The following ZNF564 variants were observed in gnomAD, a reference collection of about 807,000 sequenced individuals.
The protein encoded by ZNF564 is zinc finger protein 564.
ZNF564 carries 5 observed loss-of-function variants against 10.5 expected under a neutral mutation model. The observed-to-expected ratio is 0.48, with a 90% confidence interval of 0.25 to 1.00. The LOEUF (loss-of-function observed/expected upper bound fraction) is 1.00. Among genes scored for constraint, ZNF564 ranks in the 50% least tolerant of loss-of-function variants. ZNF564 has a pLI of 0.16. For missense variants in ZNF564, 603 were observed against 669.7 expected (o/e 0.90, Z 1.10); for synonymous variants, 242 against 218.1 (o/e 1.11, Z -0.97).
chr19:12,547,724 T>C (rs1452834863), intron 1 of ZNF564, among the ~76,000 whole-genome samples: 1 of 151,704 alleles, frequency 6.6e-6, no homozygotes, highest in Non-Finnish European at 1.5e-5. Context: ...TTCAATGACC[T>C]CCCTTTGCAG....
In ZNF564 at chr19:12,551,241, A is replaced by C. The variant is rs1012653087; in HGVS notation, c.3+89T>G. On this transcript the variant is annotated intron_variant, in intron 1 of 3. Coordinates refer to ENST00000339282, the MANE Select transcript of ZNF564 (RefSeq NM_144976.4). ...GGGTCCCAGACCCTGGAGTCGCTGC[A>C]GGGAGGCCAGGGTGCTTCCACAGCC... The C allele has an allele frequency of 2.8e-6, 4 of 1,443,862 alleles. No individual in the cohort carries two copies. In the Admixed American group the frequency reaches 5.9e-5, roughly 21 times the overall value. The allele number at this position is 1,443,862 out of a possible 1,614,324, so 89.4% of individuals were successfully genotyped here.
At chr19:12,542,275 C>T (rs985508484) in intron 1 of ZNF564, among the ~76,000 whole-genome samples, 1 of 134,714 alleles carries the variant, frequency 7.4e-6, no homozygotes, top group African/African-American at 2.8e-5. Flanking sequence ...CGGCACTACA[C>T]TCCAGCCTGG....
intron 1 of ZNF564, among the ~76,000 whole-genome samples, chr19:12,532,460 G>A (rs1242289289): frequency 1.0e-4 from 15 of 144,060 alleles, no homozygotes; most frequent in South Asian, 4.4e-4. Flanking sequence ...GCGTGAACCC[G>A]GAAGGCGGAG....
chr19:12,536,726 G>T (rs1159405446), intron 1 of ZNF564, among the ~76,000 whole-genome samples: 1 of 152,142 alleles, frequency 6.6e-6, no homozygotes, highest in African/African-American at 2.4e-5. Context: ...GCCAGGCAAG[G>T]TGGCTCACAT....
intron 1 of ZNF564, among the ~76,000 whole-genome samples, chr19:12,534,239 AT>A (rs2021864449): frequency 2.0e-5 from 3 of 152,220 alleles, no homozygotes; most frequent in Non-Finnish European, 4.4e-5. Flanking sequence ...AAGTATATCG[AT>A]TTAGAAGGAA....
At chr19:12,543,209 G>T (rs2022090260) in intron 1 of ZNF564, among the ~76,000 whole-genome samples, 1 of 151,722 alleles carries the variant, frequency 6.6e-6, no homozygotes, top group African/African-American at 2.4e-5. Context: ...GGCTGAGGCA[G>T]GAGAATGGCT....
At chr19:12,545,588 A>T (rs1352781517) in intron 1 of ZNF564, among the ~76,000 whole-genome samples, 1 of 152,200 alleles carries the variant, frequency 6.6e-6, no homozygotes, top group African/African-American at 2.4e-5. Context: ...CACACTTCTG[A>T]ACAACTGTGT....
chr19:12,544,980 C>T (rs2022122461), intron 1 of ZNF564, among the ~76,000 whole-genome samples: 1 of 152,116 alleles, frequency 6.6e-6, no homozygotes. Context: ...GTGAGGGAGC[C>T]GGGTGTGGTG....
At chr19:12,548,269 G>A (rs2022190129) in intron 1 of ZNF564, 8 of 785,540 alleles carry the variant, frequency 1.0e-5, no homozygotes, top group Non-Finnish European at 1.2e-5. Flanking sequence ...CCAGGCTGGA[G>A]TCCAGTGGCA....
chr19:12,538,623 T>TA, intron 1 of ZNF564, among the ~76,000 whole-genome samples: 1 of 151,136 alleles, frequency 6.6e-6, no homozygotes, highest in African/African-American at 2.4e-5. Context: ...AGACTCTGTC[T>TA]AAAAAAAATA....
intron 1 of ZNF564, 138 bp downstream of exon 1, chr19:12,551,192 G>C (rs1227079508): frequency 1.0e-6 from 1 of 1,001,438 alleles, no homozygotes; most frequent in African/African-American, 1.6e-5. Flanking sequence ...AGGGGACAGA[G>C]GGCCGAGCTG....
At chr19:12,528,970 C>A (rs184461159) in intron 1 of ZNF564, among the ~76,000 whole-genome samples, 1 of 152,104 alleles carries the variant, frequency 6.6e-6, no homozygotes, top group Non-Finnish European at 1.5e-5. Context: ...GAGGCTGAGG[C>A]AGGGGAATCG....
intron 1 of ZNF564, among the ~76,000 whole-genome samples, chr19:12,532,359 C>G (rs1399195089): frequency 6.6e-6 from 1 of 150,818 alleles, no homozygotes; most frequent in African/African-American, 2.4e-5. Context: ...CACGGTGAAA[C>G]CCCGTCTCTA....
intron 1 of ZNF564, chr19:12,548,969 C>G: frequency 1.5e-6 from 1 of 680,364 alleles, no homozygotes; most frequent in Non-Finnish European, 2.7e-6. Context: ...CCCTACTTAT[C>G]TGAGATTCTT....
At chr19:12,545,769 G>GC (rs1467223265) in intron 1 of ZNF564, among the ~76,000 whole-genome samples, 1 of 152,168 alleles carries the variant, frequency 6.6e-6, no homozygotes, top group East Asian at 1.9e-4. Flanking sequence ...ATCTTGGGGT[G>GC]CACCACCCTC....
chr19:12,536,756 G>C (rs1219644238), intron 1 of ZNF564, among the ~76,000 whole-genome samples: 3 of 152,072 alleles, frequency 2.0e-5, no homozygotes, highest in Non-Finnish European at 4.4e-5. Context: ...CAACACTTTG[G>C]GAAGCCGATA....
Position 12,526,433 on chromosome 19 carries a change from G to C in ZNF564, c.*13C>G. ...TTCTTTAGATATGTAGATACTTGTA[G>C]ACCTGTCCTCCACTATTCATTTTCA... On this transcript the variant is annotated 3_prime_UTR_variant, in exon 4 of 4. Coordinates refer to ENST00000339282, the MANE Select transcript of ZNF564 (RefSeq NM_144976.4). The C allele has an allele frequency of 1.3e-6, 2 of 1,561,824 alleles. No individual in the cohort carries two copies. Among genetic ancestry groups the C allele is most frequent in the Non-Finnish European group, 1.7e-6 (2 of 1,158,476 alleles).
At chr19:12,533,340 T>G (rs1320941938) in intron 1 of ZNF564, among the ~76,000 whole-genome samples, 1 of 152,148 alleles carries the variant, frequency 6.6e-6, no homozygotes, top group Non-Finnish European at 1.5e-5. Context: ...TATCAAAAAT[T>G]AGGGTATGCA....
Position 12,551,371 on chromosome 19 carries a change from C to G in ZNF564, c.-39G>C, listed in dbSNP as rs750695120. 6 of 1,589,786 alleles carry G rather than the reference C, an allele frequency of 3.8e-6. No homozygotes were observed. Among genetic ancestry groups the G allele is most frequent in the Non-Finnish European group, 5.1e-6 (6 of 1,168,936 alleles). ...GGGTGTCCCGGGGTCCTGCCTACGG[C>G]TCTCTCCGGCCTGTGCAGGTCCCAG... On this transcript the variant is annotated 5_prime_UTR_variant, in exon 1 of 4. Coordinates refer to ENST00000339282, the MANE Select transcript of ZNF564 (RefSeq NM_144976.4).
Sources: gnomAD v4.1 joint callset for allele counts (sites outside exome capture counted in the v4.1 genomes callset) on GRCh38, gnomAD v4.1.1 for gene constraint, MANE v1.5 for transcripts, NCBI Gene and HGNC (gene_info 2026-07-23, HGNC 2026-07-21) for gene names.